Variants in SETBP1 observed in about 807,000 individuals in gnomAD.
SETBP1 encodes SET-binding protein.
A neutral mutation model predicts 101.0 loss-of-function variants in SETBP1; 9 were observed. That is an observed-to-expected ratio of 0.09 (90% CI 0.05 to 0.16). The LOEUF is 0.16. SETBP1 is among the 10% of genes least tolerant of loss of function. SETBP1 has a pLI of 1.00. For synonymous variants in SETBP1, 818 were observed against 788.5 expected (o/e 1.04, Z -0.63); for missense variants, 1,858 against 2,033.8 (o/e 0.91, Z 1.66).
At chr18:44,970,383 G>C (rs1001233238) in intron 4 of SETBP1, among the ~76,000 whole-genome samples, 2 of 152,206 alleles carry the variant, frequency 1.3e-5, no homozygotes, top group Non-Finnish European at 2.9e-5. Context: ...CCTATATGTA[G>C]CAGAATGCCT....
At chr18:44,878,806 A>G (rs1363468738) in intron 3 of SETBP1, among the ~76,000 whole-genome samples, 1 of 152,192 alleles carries the variant, frequency 6.6e-6, no homozygotes, top group Non-Finnish European at 1.5e-5. Flanking sequence ...CAAACAAAAG[A>G]CATCCATTGA....
intron 2 of SETBP1, among the ~76,000 whole-genome samples, chr18:44,864,137 C>A (rs1291710963): frequency 6.6e-6 from 1 of 152,118 alleles, no homozygotes; most frequent in African/African-American, 2.4e-5. Context: ...GTCACCTCCT[C>A]CCCTCCTGTG....
At chr18:44,978,808 A>G (rs931215928) in intron 4 of SETBP1, among the ~76,000 whole-genome samples, 10 of 152,168 alleles carry the variant, frequency 6.6e-5, no homozygotes, top group African/African-American at 2.4e-4. Flanking sequence ...AGTTGGAGCT[A>G]TTGGCTCAGT....
At chr18:44,799,297 C>T (rs1599143361) in intron 2 of SETBP1, among the ~76,000 whole-genome samples, 3 of 152,016 alleles carry the variant, frequency 2.0e-5, no homozygotes, top group Non-Finnish European at 4.4e-5. Context: ...TGGGATTTTT[C>T]CTGTTCCCTC....
chr18:44,924,843 C>T (rs2070662986), intron 3 of SETBP1, among the ~76,000 whole-genome samples: 4 of 152,132 alleles, frequency 2.6e-5, no homozygotes, highest in African/African-American at 4.8e-5. Flanking sequence ...CAAATCACCT[C>T]CTATGTGGCA....
intron 2 of SETBP1, among the ~76,000 whole-genome samples, chr18:44,741,273 C>T (rs2070091329): frequency 6.6e-6 from 1 of 152,136 alleles, no homozygotes; most frequent in Non-Finnish European, 1.5e-5. Context: ...TCACTGTGCT[C>T]CTTGCCAAGT....
intron 2 of SETBP1, among the ~76,000 whole-genome samples, chr18:44,769,127 G>A (rs2070821731): frequency 6.6e-6 from 1 of 152,234 alleles, no homozygotes; most frequent in Non-Finnish European, 1.5e-5. Context: ...TTTTGGTTTG[G>A]TGGTTGGTCC....
chr18:44,814,675 G>A (rs543698606), intron 2 of SETBP1, among the ~76,000 whole-genome samples: 1 of 152,228 alleles, frequency 6.6e-6, no homozygotes, highest in Non-Finnish European at 1.5e-5. Context: ...GATCTTTAAG[G>A]CTTCAGAGAA....
chr18:44,701,131 T>G, intron 1 of SETBP1, 44 bp from the exon 2 acceptor site: 1 of 441,540 alleles, frequency 2.3e-6, no homozygotes, highest in South Asian at 7.9e-5. Flanking sequence ...ACCTTGGGGG[T>G]CATTTTCCTT....
chr18:44,714,513 G>C (rs2069418597), intron 2 of SETBP1, among the ~76,000 whole-genome samples: 1 of 151,902 alleles, frequency 6.6e-6, no homozygotes, highest in African/African-American at 2.4e-5. Context: ...TAGCTCTTCT[G>C]TTCTATTAAT....
At chr18:44,711,094 G>A (rs562460484) in intron 2 of SETBP1, among the ~76,000 whole-genome samples, 1 of 152,190 alleles carries the variant, frequency 6.6e-6, no homozygotes, top group Non-Finnish European at 1.5e-5. Context: ...CGCTGCTGGG[G>A]GAGTGCAAGC....
chr18:44,756,449 A>C (rs772179492), intron 2 of SETBP1, among the ~76,000 whole-genome samples: 5 of 152,166 alleles, frequency 3.3e-5, no homozygotes, highest in Admixed American at 6.5e-5. Flanking sequence ...TTCTGGGATC[A>C]CAGTGCTGTC....
chr18:44,967,063 A>G (rs1442791959), intron 4 of SETBP1, among the ~76,000 whole-genome samples: 1 of 152,236 alleles, frequency 6.6e-6, no homozygotes, highest in African/African-American at 2.4e-5. Flanking sequence ...TTTAAACAGC[A>G]GGCTTTCCTG....
chr18:44,934,397 C>T (rs1197287049), intron 3 of SETBP1, among the ~76,000 whole-genome samples: 2 of 152,242 alleles, frequency 1.3e-5, no homozygotes, highest in Non-Finnish European at 2.9e-5. Flanking sequence ...GATCTGCCCT[C>T]CTCGGCCTCC....
At chr18:44,868,695 AGAGGACGGAAGGAAGGG>A in intron 2 of SETBP1, among the ~76,000 whole-genome samples, 1 of 95,410 alleles carries the variant, frequency 1.0e-5, no homozygotes, top group East Asian at 2.9e-4. Context: ...AGAGAGAGAG[AGAGGACGGAAGGAAGGG>A]AGGAAGGAAG....
At chr18:44,750,103 C>T (rs548064161) in intron 2 of SETBP1, among the ~76,000 whole-genome samples, 27 of 152,126 alleles carry the variant, frequency 1.8e-4, no homozygotes, top group Non-Finnish European at 3.7e-4. Flanking sequence ...AAGAGGACTT[C>T]GGAGAAACTG....
chr18:44,912,487 TTTTG>T (rs999538387), intron 3 of SETBP1, among the ~76,000 whole-genome samples: 9 of 152,288 alleles, frequency 5.9e-5, no homozygotes, highest in African/African-American at 9.6e-5. Flanking sequence ...TTTTTGTTTT[TTTTG>T]TTTGTTTGTT....
At chr18:44,799,129 T>C (rs1352655778) in intron 2 of SETBP1, among the ~76,000 whole-genome samples, 1 of 152,206 alleles carries the variant, frequency 6.6e-6, no homozygotes, top group Non-Finnish European at 1.5e-5. Flanking sequence ...AAATCAAAGC[T>C]TGAGGATTTT....
chr18:44,926,776 A>G (rs1169102893), intron 3 of SETBP1, among the ~76,000 whole-genome samples: 1 of 152,054 alleles, frequency 6.6e-6, no homozygotes, highest in Non-Finnish European at 1.5e-5. Flanking sequence ...AACAACAACA[A>G]CAACAACAAC....
Sources: gnomAD v4.1 joint callset for allele counts (sites outside exome capture counted in the v4.1 genomes callset) on GRCh38, gnomAD v4.1.1 for gene constraint, MANE v1.5 for transcripts, NCBI Gene and HGNC (gene_info 2026-07-23, HGNC 2026-07-21) for gene names.